CFAP61: variants seen among roughly 807,000 people sequenced by gnomAD.
CFAP61 encodes the protein cilia and flagella associated protein 61.
Under a neutral mutation model 135.6 loss-of-function variants are expected in CFAP61, and 107 were observed. That is an observed-to-expected ratio of 0.79 (90% CI 0.67 to 0.93). The LOEUF is 0.93. CFAP61 is among the 40% of genes least tolerant of loss of function. The pLI is 0.00. For synonymous variants in CFAP61, 575 were observed against 578.5 expected (o/e 0.99, Z 0.09); for missense variants, 1,507 against 1,556.2 (o/e 0.97, Z 0.53).
chr20:20,062,911 C>T (rs1361205933), intron 2 of CFAP61, among the ~76,000 whole-genome samples: 1 of 152,132 alleles, frequency 6.6e-6, no homozygotes, highest in East Asian at 1.9e-4. Context: ...TGTAGAGTAA[C>T]CTCCTGTCAC....
chr20:20,234,867 A>T (rs1364581628), intron 18 of CFAP61, among the ~76,000 whole-genome samples: 1 of 152,178 alleles, frequency 6.6e-6, no homozygotes, highest in Non-Finnish European at 1.5e-5. Context: ...CCTGTGCTGC[A>T]GGGAAGGCAC....
chr20:20,327,796 A>C (rs1253347971), intron 25 of CFAP61, among the ~76,000 whole-genome samples: 2 of 80,868 alleles, frequency 2.5e-5, no homozygotes, highest in Admixed American at 3.0e-4. Flanking sequence ...AAAAAAAAAA[A>C]AAAAAAAAAC....
chr20:20,259,523 TC>T (rs2051989195), intron 20 of CFAP61, among the ~76,000 whole-genome samples: 1 of 151,234 alleles, frequency 6.6e-6, no homozygotes, highest in African/African-American at 2.4e-5. Context: ...TCCGCCTGCC[TC>T]AGCCTCCCAA....
chr20:20,075,628 T>C lies in CFAP61; in HGVS notation c.566+13T>C, dbSNP rs376931142. The C allele has an allele frequency of 6.2e-6, 10 of 1,613,074 alleles. No homozygotes were observed. The highest frequency in any genetic ancestry group is 1.7e-5 in the Admixed American group (1 of 59,960). On this transcript the variant is annotated intron_variant, in intron 6 of 26. Coordinates refer to ENST00000245957, the MANE Select transcript of CFAP61 (RefSeq NM_015585.4). ...TTCGCAAAGCCAGGTACAGTTGGAG[T>C]CATGCCTTGTGTGACCTAAGCTTCA...
chr20:20,129,880 G>A (rs2146717109), intron 8 of CFAP61, among the ~76,000 whole-genome samples: 1 of 151,522 alleles, frequency 6.6e-6, no homozygotes, highest in East Asian at 1.9e-4. Flanking sequence ...TACATTTTCA[G>A]TAGCAAATGT....
chr20:20,328,916 A>G (rs1045824947), intron 25 of CFAP61, among the ~76,000 whole-genome samples: 1 of 152,208 alleles, frequency 6.6e-6, no homozygotes, highest in Admixed American at 6.5e-5. Flanking sequence ...GTTGGGCACC[A>G]GCCCAAATCC....
chr20:20,310,444 G>A (rs2056752112), intron 25 of CFAP61, among the ~76,000 whole-genome samples: 1 of 152,210 alleles, frequency 6.6e-6, no homozygotes, highest in Non-Finnish European at 1.5e-5. Flanking sequence ...AACCAGGAAA[G>A]GGCAGGGCCA....
At position 20,098,536 on chromosome 20, in the gene CFAP61, G is replaced by T. The variant is rs1271029920; in HGVS notation, c.700-119G>T. 12 of 819,162 alleles carry T rather than the reference G, an allele frequency of 1.5e-5. 2 individuals carry two copies. In the South Asian group the frequency reaches 2.4e-4, roughly 17 times the overall value. 50.7% of individuals were successfully genotyped at this position (819,162 alleles called of 1,614,324 possible). ...GGGGAGAAGAATTGCTTGAACTGAGGAGGCGGAGGTTGCGGTGAGCCAAGA... is the reference window on the plus strand; with the variant it reads ...GGGGAGAAGAATTGCTTGAACTGAGTAGGCGGAGGTTGCGGTGAGCCAAGA... On this transcript the variant is annotated intron_variant, in intron 7 of 26. Transcript: ENST00000245957.
chr20:20,228,558 C>G, intron 18 of CFAP61, 182 bp downstream of exon 18: 1 of 496,330 alleles, frequency 2.0e-6, no homozygotes, highest in South Asian at 4.1e-5. Context: ...AACTATAGCC[C>G]TGAGGCCAGG....
intron 18 of CFAP61, among the ~76,000 whole-genome samples, chr20:20,243,005 C>A (rs988756449): frequency 2.6e-5 from 4 of 152,174 alleles, no homozygotes; most frequent in African/African-American, 9.7e-5. Context: ...TTAGTCTGTT[C>A]TCACGCTGCT....
chr20:20,138,940 T>C (rs1198754970), intron 8 of CFAP61, among the ~76,000 whole-genome samples: 3 of 152,206 alleles, frequency 2.0e-5, no homozygotes, highest in Non-Finnish European at 4.4e-5. Flanking sequence ...TTTTAATAAC[T>C]ATGTCTTTAT....
At chr20:20,151,734 G>A (rs1000575491) in intron 9 of CFAP61, among the ~76,000 whole-genome samples, 1 of 147,768 alleles carries the variant, frequency 6.8e-6, no homozygotes, top group African/African-American at 2.5e-5. Context: ...GGAGGCCGTG[G>A]TGGGAGAATG....
intron 25 of CFAP61, among the ~76,000 whole-genome samples, chr20:20,314,192 T>G (rs2122209461): frequency 8.0e-6 from 1 of 124,316 alleles, no homozygotes; most frequent in East Asian, 2.4e-4. Context: ...AAGAGGAGCC[T>G]GGGCAACATA....
chr20:20,126,208 G>A (rs552912508), intron 8 of CFAP61, among the ~76,000 whole-genome samples: 1 of 151,908 alleles, frequency 6.6e-6, no homozygotes, highest in East Asian at 1.9e-4. Context: ...TACATTTAAT[G>A]TTAGTGTTGA....
chr20:20,057,905 T>G (rs1044105472), intron 2 of CFAP61, among the ~76,000 whole-genome samples: 2 of 152,072 alleles, frequency 1.3e-5, no homozygotes, highest in Non-Finnish European at 2.9e-5. Context: ...TTGTTTGTTT[T>G]TTAGTAGAGA....
chr20:20,346,653 A>G (rs953346772), intron 26 of CFAP61, among the ~76,000 whole-genome samples: 3 of 152,248 alleles, frequency 2.0e-5, no homozygotes, highest in Admixed American at 2.0e-4. Flanking sequence ...AAGCCACAGC[A>G]TCACTGACCA....
intron 7 of CFAP61, among the ~76,000 whole-genome samples, chr20:20,093,507 T>A (rs931857542): frequency 6.6e-6 from 1 of 151,364 alleles, no homozygotes; most frequent in Non-Finnish European, 1.5e-5. Context: ...TGATCTTGGC[T>A]GACTGCAACC....
chr20:20,224,714 T>C (rs2048613460), intron 17 of CFAP61, among the ~76,000 whole-genome samples: 1 of 152,078 alleles, frequency 6.6e-6, no homozygotes, highest in Non-Finnish European at 1.5e-5. Flanking sequence ...AATAATAATC[T>C]CTTTGTCTAA....
chr20:20,129,491 C>T (rs1402921424), intron 8 of CFAP61, among the ~76,000 whole-genome samples: 1 of 151,698 alleles, frequency 6.6e-6, no homozygotes, highest in Non-Finnish European at 1.5e-5. Context: ...TTAGGATCCT[C>T]TCTTTATTCT....
Sources: allele counts gnomAD v4.1 joint callset (sites outside exome capture counted in the v4.1 genomes callset), GRCh38; gene constraint gnomAD v4.1.1; transcripts MANE v1.5; gene names NCBI Gene and HGNC (gene_info 2026-07-23, HGNC 2026-07-21).